The following HENMT1 variants were observed in gnomAD, a reference collection of about 807,000 sequenced individuals.
HENMT1 encodes the protein small RNA 2'-O-methyltransferase.
Under a neutral mutation model 31.1 loss-of-function variants are expected in HENMT1, and 27 were observed. That is an observed-to-expected ratio of 0.87 (90% CI 0.64 to 1.20). HENMT1 has a LOEUF of 1.20. Ranked by LOEUF, HENMT1 falls within the 50% of genes most tolerant of loss-of-function variation. HENMT1 has a pLI of 0.00. For missense variants in HENMT1, 438 were observed against 469.6 expected (o/e 0.93, Z 0.62); for synonymous variants, 167 against 172.2 (o/e 0.97, Z 0.24).
intron 2 of HENMT1, among the ~76,000 whole-genome samples, chr1:108,658,924 A>T (rs758129596): frequency 6.6e-6 from 1 of 152,240 alleles, no homozygotes; most frequent in African/African-American, 2.4e-5. Flanking sequence ...TATCTGATGT[A>T]GCACTGTCCA....
At chr1:108,653,917 T>C (rs1284087149) in intron 5 of HENMT1, among the ~76,000 whole-genome samples, 1 of 152,222 alleles carries the variant, frequency 6.6e-6, no homozygotes, top group Non-Finnish European at 1.5e-5. Context: ...CATTTGTGTA[T>C]TTCTGTTTGT....
chr1:108,648,660 CTCA>C lies in HENMT1; in HGVS notation c.1085_1087del (p.Met362del), dbSNP rs1419315948. The C allele has an allele frequency of 6.2e-7, 1 of 1,614,052 alleles. No homozygotes were observed. The highest frequency in any genetic ancestry group is 8.5e-7 in the Non-Finnish European group (1 of 1,180,024). ...AGGAATTGAGTCAGCAATGACTGATCTCATCATCTCTTCATTAGCACATAAGCG... is the reference window on the plus strand; with the variant it reads ...AGGAATTGAGTCAGCAATGACTGATCTCATCTCTTCATTAGCACATAAGCG... On this transcript the variant is annotated inframe_deletion, in exon 8 of 8. Coordinates refer to ENST00000651461, the MANE Select transcript of HENMT1 (RefSeq NM_001102592.2).
chr1:108,659,334 A>G (rs1371096913), intron 2 of HENMT1, among the ~76,000 whole-genome samples: 3 of 152,114 alleles, frequency 2.0e-5, no homozygotes, highest in Non-Finnish European at 2.9e-5. Flanking sequence ...AGTGCATTCC[A>G]GCCTGGGCAA....
At chr1:108,655,417 T>C (rs1042775457) in intron 4 of HENMT1, among the ~76,000 whole-genome samples, 169 bp downstream of exon 4, 7 of 152,224 alleles carry the variant, frequency 4.6e-5, no homozygotes, top group Admixed American at 1.3e-4. Flanking sequence ...TTGGTAGCAA[T>C]AAAATGCAGG....
chr1:108,649,077 T>C, intron 7 of HENMT1, 86 bp from the exon 8 acceptor site: 1 of 1,099,816 alleles, frequency 9.1e-7, no homozygotes. Flanking sequence ...TTTTTTGCCA[T>C]GTAAGAATAA....
At chr1:108,660,874 A>C in intron 1 of HENMT1, 89 bp downstream of exon 1, 1 of 550,590 alleles carries the variant, frequency 1.8e-6, no homozygotes, top group South Asian at 7.9e-5. Flanking sequence ...CAGTGAGCCG[A>C]GATCCCGCCA....
Position 108,655,674 on chromosome 1 carries a change from T to C in HENMT1, c.175A>G (p.Thr59Ala). 6.2e-7 allele frequency: 1 copy of C among 1,611,526 alleles called. No homozygotes were observed. Among genetic ancestry groups the C allele is most frequent in the Non-Finnish European group, 8.5e-7 (1 of 1,178,600 alleles). Reference sequence around the variant, plus strand: ...ACTTTTAGCAGCCTTAAGAGTGAAGTATCACCACATCCCAGGTCTGCAACC... The same window carrying C: ...ACTTTTAGCAGCCTTAAGAGTGAAGCATCACCACATCCCAGGTCTGCAACC... ...KKVADLGCGD[T>A]SLLRLLKVNP... Residue 59 changes from threonine to alanine, a missense_variant, in exon 4 of 8, where the codon ACT becomes GCT. Thr to Ala is a moderately conservative substitution (Grantham distance 58). Transcript: ENST00000651461.
chr1:108,651,295 T>C, intron 5 of HENMT1, 86 bp from the exon 6 acceptor site: 1 of 1,112,754 alleles, frequency 9.0e-7, no homozygotes, highest in Non-Finnish European at 1.3e-6. Context: ...ACAATTTCCA[T>C]CTGTGTATCG....
intron 7 of HENMT1, chr1:108,649,480 GT>G: frequency 2.3e-6 from 1 of 432,482 alleles, no homozygotes; most frequent in South Asian, 1.7e-5. Flanking sequence ...GCTGAGCATG[GT>G]GGTGCACGCC....
At chr1:108,650,818 A>T (rs1278212882) in intron 6 of HENMT1, among the ~76,000 whole-genome samples, 3 of 152,218 alleles carry the variant, frequency 2.0e-5, no homozygotes, top group Non-Finnish European at 4.4e-5. Context: ...GCCTTCACAT[A>T]AAAGGTGCCC....
At chr1:108,657,974 T>TAC (rs879918137) in intron 2 of HENMT1, among the ~76,000 whole-genome samples, 2 of 144,626 alleles carry the variant, frequency 1.4e-5, no homozygotes, top group Non-Finnish European at 1.5e-5. Context: ...TATATATATA[T>TAC]ACACACACAC....
Position 108,648,990 on chromosome 1 carries a change from ACCTG to A in HENMT1, c.757-3_757del, listed in dbSNP as rs1413828746. On this transcript the variant is annotated splice_acceptor_variant and splice_polypyrimidine_tract_variant and coding_sequence_variant and intron_variant, in exon 8 of 8. Coordinates refer to ENST00000651461, the MANE Select transcript of HENMT1 (RefSeq NM_001102592.2). LOFTEE classifies it high-confidence loss of function. ...TAAGCTTGGGTATGAGGTGGTAAAA[ACCTG>A]AAGGGAAAAAACAAAACACTTACAA... 2 of 1,569,892 alleles carry A rather than the reference ACCTG, an allele frequency of 1.3e-6. No individual in the cohort carries two copies. The highest frequency in any genetic ancestry group is 2.0e-5 in the Admixed American group (1 of 50,980).
intron 1 of HENMT1, among the ~76,000 whole-genome samples, chr1:108,660,335 C>CT (rs1359161509): frequency 2.6e-5 from 4 of 152,138 alleles, no homozygotes; most frequent in Non-Finnish European, 5.9e-5. Context: ...AACAGCCATC[C>CT]TTTCCCTTTA....
rs938252651 is a variant in HENMT1 at position 108,648,298 on chromosome 1, A to T, written c.*268T>A. On this transcript the variant is annotated 3_prime_UTR_variant, in exon 8 of 8. Coordinates refer to ENST00000651461, the MANE Select transcript of HENMT1 (RefSeq NM_001102592.2). ...AAAAAAATAGGTAAGTTCAAAATTAACATATTACCACATCCAACTTCTTTA... is the reference window on the plus strand; with the variant it reads ...AAAAAAATAGGTAAGTTCAAAATTATCATATTACCACATCCAACTTCTTTA... The T allele has an allele frequency of 2.2e-6, 1 of 456,446 alleles. No individual in the cohort carries two copies. The highest frequency in any genetic ancestry group is 4.0e-5 in the Admixed American group (1 of 24,998). The allele number at this position is 456,446 out of a possible 1,614,324, so 28.3% of individuals were successfully genotyped here. A position where few individuals can be genotyped will look rare whatever the true frequency, so the allele number is the denominator to read the frequency against.
chr1:108,661,246 C>T (rs1009830108), upstream of HENMT1: 1 of 152,334 alleles, frequency 6.6e-6, no homozygotes, highest in African/African-American at 2.4e-5. Context: ...AGCTCCGTCC[C>T]TCTAGGCTCT....
chr1:108,659,396 A>G (rs1430400993), intron 2 of HENMT1, among the ~76,000 whole-genome samples: 1 of 152,140 alleles, frequency 6.6e-6, no homozygotes, highest in Admixed American at 6.5e-5. Flanking sequence ...CGGTTCCTCA[A>G]TTCCACTAGC....
chr1:108,659,033 T>C (rs1658356928), intron 2 of HENMT1, among the ~76,000 whole-genome samples: 1 of 152,220 alleles, frequency 6.6e-6, no homozygotes, highest in Non-Finnish European at 1.5e-5. Flanking sequence ...ATATAATTTT[T>C]ACATAAAATC....
chr1:108,660,917 C>A, intron 1 of HENMT1, 46 bp downstream of exon 1: 4 of 874,462 alleles, frequency 4.6e-6, no homozygotes, highest in Non-Finnish European at 5.5e-6. Flanking sequence ...GAGCGAGACT[C>A]CGTCTCAAAA....
At position 108,657,475 on chromosome 1, in the gene HENMT1, T is replaced by C. The variant is rs761295859; in HGVS notation, c.126A>G (p.Leu42=). ...CCTTCTTAGGCTCATGTTGATCCAC[T>C]AAATTTTTAACGAACTGGTACCGCT... ...YRQRYQFVKN[L]VDQHEPKKVA... Residue 42 remains leucine (L), a synonymous_variant, in exon 3 of 8, where the codon TTA becomes TTG. Transcript: ENST00000651461. The C allele has an allele frequency of 1.9e-6, 3 of 1,609,498 alleles. No individual in the cohort carries two copies. Among genetic ancestry groups the C allele is most frequent in the Non-Finnish European group, 1.7e-6 (2 of 1,176,308 alleles).
Sources: gnomAD v4.1 joint callset for allele counts (sites outside exome capture counted in the v4.1 genomes callset) on GRCh38, gnomAD v4.1.1 for gene constraint, MANE v1.5 for transcripts, NCBI Gene and HGNC (gene_info 2026-07-23, HGNC 2026-07-21) for gene names.